The following NCR3LG1 variants were observed in gnomAD, a reference collection of about 807,000 sequenced individuals.
NCR3LG1 encodes the protein natural cytotoxicity triggering receptor 3 ligand 1.
NCR3LG1 carries 35 observed loss-of-function variants against 34.8 expected under a neutral mutation model. That is an observed-to-expected ratio of 1.01 (90% CI 0.77 to 1.33). The LOEUF is 1.33. Ranked by LOEUF, NCR3LG1 falls within the 40% of genes most tolerant of loss-of-function variation. NCR3LG1 has a pLI of 0.00. For synonymous variants in NCR3LG1, 173 were observed against 163.6 expected (o/e 1.06, Z -0.44); for missense variants, 452 against 423.3 (o/e 1.07, Z -0.60).
At chr11:17,378,536 C>A (rs922251520), downstream of NCR3LG1, among the ~76,000 whole-genome samples, 4 of 152,156 alleles carry the variant, frequency 2.6e-5, no homozygotes, top group African/African-American at 7.2e-5. Context: ...CACATAGACA[C>A]GCCATTCTTC....
chr11:17,369,887 G>A (rs555062583), intron 4 of NCR3LG1, among the ~76,000 whole-genome samples: 1 of 152,310 alleles, frequency 6.6e-6, no homozygotes, highest in South Asian at 2.1e-4. Flanking sequence ...CAGTTAGGGT[G>A]GGCCCTCAGT....
rs113150354 is a variant in NCR3LG1 at position 17,365,913 on chromosome 11, G to A, written c.422-1096G>A. On this transcript the variant is annotated intron_variant, in intron 2 of 4. Transcript: ENST00000338965. ...ATGACTCCAGCAGCTTCTGCATGAG[G>A]TGATTTGATCTTAGCTGTAATTTTC... Among the ~76,000 whole-genome samples the A allele has an allele frequency of 3.5e-4, 54 of 152,314 alleles. 1 individual carries two copies. Among genetic ancestry groups the A allele is most frequent in the African/African-American group, 1.3e-3 (54 of 41,576 alleles).
intron 2 of NCR3LG1, among the ~76,000 whole-genome samples, chr11:17,359,861 T>A (rs1350509612): frequency 1.3e-5 from 2 of 152,158 alleles, no homozygotes; most frequent in African/African-American, 4.8e-5. Context: ...ATTTGTTGTT[T>A]TAATTAGCAG....
chr11:17,368,861 C>T lies in NCR3LG1; in HGVS notation c.761-6C>T, dbSNP rs1408028169. ...TCCTGCTAATGTTTTCCTTCTCTCT[C>T]TGCAGAAACTGAGAAGACAGATAAT... On this transcript the variant is annotated splice_region_variant and splice_polypyrimidine_tract_variant and intron_variant, in intron 3 of 4. Transcript: ENST00000338965. 1 of 1,519,214 alleles carries T rather than the reference C, an allele frequency of 6.6e-7. No homozygotes were observed. Among genetic ancestry groups the T allele is most frequent in the South Asian group, 1.2e-5 (1 of 83,602 alleles). The allele number at this position is 1,519,214 out of a possible 1,614,324, so 94.1% of individuals were successfully genotyped here.
At chr11:17,378,777 A>C (rs1232744216), downstream of NCR3LG1, among the ~76,000 whole-genome samples, 2 of 152,202 alleles carry the variant, frequency 1.3e-5, no homozygotes, top group African/African-American at 4.8e-5. Context: ...AGCTTGAAAA[A>C]TCAAACTGCA....
chr11:17,368,715 G>C lies in NCR3LG1; in HGVS notation c.761-152G>C, dbSNP rs140366276. On this transcript the variant is annotated intron_variant, in intron 3 of 4. Coordinates refer to ENST00000338965, the MANE Select transcript of NCR3LG1 (RefSeq NM_001202439.3). Reference sequence around the variant, plus strand: ...TGATGTATGGAGGTGTATGTGATAGGAATGGAGATGCTGAGACATGTGGCA... The same window carrying C: ...TGATGTATGGAGGTGTATGTGATAGCAATGGAGATGCTGAGACATGTGGCA... Among the ~76,000 whole-genome samples the C allele has an allele frequency of 9.2e-5, 14 of 152,298 alleles. No homozygotes were observed. In the East Asian group the frequency reaches 2.5e-3, roughly 27 times the overall value.
chr11:17,353,372 G>A (rs532166326), intron 1 of NCR3LG1, among the ~76,000 whole-genome samples: 65 of 152,384 alleles, frequency 4.3e-4, no homozygotes, highest in Non-Finnish European at 7.5e-4. Flanking sequence ...GAAGTGGAAA[G>A]CCAAAATTGC....
chr11:17,353,658 T>C (rs1953168325), intron 1 of NCR3LG1, among the ~76,000 whole-genome samples: 1 of 152,222 alleles, frequency 6.6e-6, no homozygotes, highest in African/African-American at 2.4e-5. Context: ...CCGCGAGTTC[T>C]CAGGGAAGCG....
At chr11:17,356,400 G>C (rs1001013311) in intron 1 of NCR3LG1, among the ~76,000 whole-genome samples, 1 of 151,956 alleles carries the variant, frequency 6.6e-6, no homozygotes, top group Non-Finnish European at 1.5e-5. Context: ...GCCTCCCAAA[G>C]TGCTGGGATT....
Position 17,373,572 on chromosome 11 carries a change from T to C in NCR3LG1, c.*1060T>C, listed in dbSNP as rs1399537487. On this transcript the variant is annotated 3_prime_UTR_variant, in exon 5 of 5. Coordinates refer to ENST00000338965, the MANE Select transcript of NCR3LG1 (RefSeq NM_001202439.3). ...GTTACTACCCGGGAGCACCAGGTGA[T>C]TCTGGAGTTCGAAGGGAGGAAGGTA... 6.6e-6 allele frequency: 1 copy of C among 151,064 alleles called. No homozygotes were observed. The allele number at this position is 151,064 out of a possible 1,614,324, so 9.4% of individuals were successfully genotyped here. A position where few individuals can be genotyped will look rare whatever the true frequency, so the allele number is the denominator to read the frequency against.
rs1396485640 is a variant in NCR3LG1, at chr11:17,371,961, G to A, written c.859-45G>A. 4.5e-6 allele frequency: 3 copies of A among 673,920 alleles called. No individual in the cohort carries two copies. The African/African-American group carries it at 5.3e-5, about 12-fold the overall frequency. 41.7% of individuals were successfully genotyped at this position (673,920 alleles called of 1,614,324 possible). ...CTCTCTGCTGTCGATCACTCCAGAA[G>A]GACAAAGGAGACTAAGGGATGCCTT... On this transcript the variant is annotated intron_variant, in intron 4 of 4. Coordinates refer to ENST00000338965, the MANE Select transcript of NCR3LG1 (RefSeq NM_001202439.3).
intron 3 of NCR3LG1, among the ~76,000 whole-genome samples, chr11:17,368,297 T>C (rs776884639): frequency 6.6e-6 from 1 of 152,094 alleles, no homozygotes; most frequent in Non-Finnish European, 1.5e-5. Context: ...AGCTCTGGTC[T>C]TGGGTGTGGG....
Position 17,368,879 on chromosome 11 carries a change from CAG to C in NCR3LG1, c.775_776del (p.Asp259Ter), listed in dbSNP as rs1225727881. ...TCTCTCTCTGCAGAAACTGAGAAGA[CAG>C]ATAATTTTTCCATTCATTGGTGGCC... is the stretch of plus-strand genomic sequence containing the variant. On this transcript the variant is annotated frameshift_variant, in exon 4 of 5. Coordinates refer to ENST00000338965, the MANE Select transcript of NCR3LG1 (RefSeq NM_001202439.3). LOFTEE classifies it high-confidence loss of function. 6.5e-6 allele frequency: 10 copies of C among 1,531,968 alleles called. No homozygotes were observed. Among genetic ancestry groups the C allele is most frequent in the Non-Finnish European group, 4.4e-6 (5 of 1,143,120 alleles). The allele number at this position is 1,531,968 out of a possible 1,614,324, so 94.9% of individuals were successfully genotyped here.
chr11:17,371,986 T>C lies in NCR3LG1; in HGVS notation c.859-20T>C, dbSNP rs1448197873. 1.4e-6 allele frequency: 1 copy of C among 691,502 alleles called. No homozygotes were observed. The highest frequency in any genetic ancestry group is 1.5e-5 in the South Asian group (1 of 66,452). 42.8% of individuals were successfully genotyped at this position (691,502 alleles called of 1,614,324 possible). A position where few individuals can be genotyped will look rare whatever the true frequency, so the allele number is the denominator to read the frequency against. ...GGACAAAGGAGACTAAGGGATGCCTTTTCTCTCCTCTTTTTCTAGATATGT... is the reference window on the plus strand; with the variant it reads ...GGACAAAGGAGACTAAGGGATGCCTCTTCTCTCCTCTTTTTCTAGATATGT... On this transcript the variant is annotated intron_variant, in intron 4 of 4. Transcript: ENST00000338965.
At position 17,358,413 on chromosome 11, in the gene NCR3LG1, C is replaced by T. The variant is rs190907589; in HGVS notation, c.421+1412C>T. Among the ~76,000 whole-genome samples the T allele has an allele frequency of 1.4e-3, 216 of 152,300 alleles. 1 individual carries two copies. Among genetic ancestry groups the T allele is most frequent in the Admixed American group, 3.3e-3 (51 of 15,308 alleles). On this transcript the variant is annotated intron_variant, in intron 2 of 4. Coordinates refer to ENST00000338965, the MANE Select transcript of NCR3LG1 (RefSeq NM_001202439.3). ...ATGTCACTAAGTTAGGATTTGTCTG[C>T]TGTTTTCCTCATAATTGGACTTGGG...
chr11:17,354,766 G>T (rs979536043), intron 1 of NCR3LG1, among the ~76,000 whole-genome samples: 1 of 151,856 alleles, frequency 6.6e-6, no homozygotes, highest in African/African-American at 2.4e-5. Flanking sequence ...GCTTGTCACC[G>T]CGTTTCCCTA....
chr11:17,370,508 CT>C (rs1191092962), intron 4 of NCR3LG1, among the ~76,000 whole-genome samples: 1 of 152,190 alleles, frequency 6.6e-6, no homozygotes, highest in Non-Finnish European at 1.5e-5. Flanking sequence ...CAGTTAAAAG[CT>C]TTTAGAGCGG....
At chr11:17,369,107 G>C (rs781557278) in intron 4 of NCR3LG1, 143 bp downstream of exon 4, 6 of 605,632 alleles carry the variant, frequency 9.9e-6, no homozygotes, top group Non-Finnish European at 1.4e-5. Context: ...TCAGGTGTTG[G>C]GAATGTTGGC....
chr11:17,363,937 G>A (rs183983049), intron 2 of NCR3LG1, among the ~76,000 whole-genome samples: 24 of 152,194 alleles, frequency 1.6e-4, no homozygotes, highest in Admixed American at 1.4e-3. Context: ...ATGGCTAGAC[G>A]TGGATAGGCA....
Sources: gnomAD v4.1 joint callset for allele counts (sites outside exome capture counted in the v4.1 genomes callset) on GRCh38, gnomAD v4.1.1 for gene constraint, MANE v1.5 for transcripts, NCBI Gene and HGNC (gene_info 2026-07-23, HGNC 2026-07-21) for gene names.